The following MCTP1 variants were observed in gnomAD, a reference collection of about 807,000 sequenced individuals.
MCTP1 encodes the protein multiple C2 and transmembrane domain-containing protein 1.
A neutral mutation model predicts 120.6 loss-of-function variants in MCTP1; 69 were observed. The ratio of observed to expected loss-of-function variants is 0.57; its 90% confidence interval spans 0.47 to 0.70. The LOEUF (loss-of-function observed/expected upper bound fraction) is 0.70. MCTP1 is among the 30% of genes least tolerant of loss of function. MCTP1 has a pLI of 0.00. For synonymous variants in MCTP1, 529 were observed against 493.1 expected, an observed-to-expected ratio of 1.07 and a Z score of -0.96; for missense variants, 1,203 against 1,248.8, an observed-to-expected ratio of 0.96 and a Z score of 0.55.
chr5:94,735,071 T>C (rs568305519), intron 19 of MCTP1, among the ~76,000 whole-genome samples: 1 of 152,302 alleles, frequency 6.6e-6, no homozygotes, highest in African/African-American at 2.4e-5. Context: ...CTACAAGAAG[T>C]GGAATTGTTT....
At chr5:94,893,891 C>T (rs1171721427) in intron 11 of MCTP1, among the ~76,000 whole-genome samples, 1 of 152,158 alleles carries the variant, frequency 6.6e-6, no homozygotes, top group Non-Finnish European at 1.5e-5. Context: ...TTTTTCCCAG[C>T]TTCATGGGTA....
intron 6 of MCTP1, among the ~76,000 whole-genome samples, chr5:94,924,368 C>A (rs901429031): frequency 3.9e-5 from 6 of 152,012 alleles, no homozygotes; most frequent in African/African-American, 1.4e-4. Context: ...TTCCTTTTAA[C>A]AAAACAATTA....
rs1230691269 is a variant in MCTP1, at chr5:94,706,605, GTATT to G, written c.*887_*890del. On this transcript the variant is annotated 3_prime_UTR_variant, in exon 23 of 23. Coordinates refer to ENST00000515393, the MANE Select transcript of MCTP1 (RefSeq NM_024717.7). ...TTTTTTTTTCTCTGAGAGCACTTGA[GTATT>G]TATTAAAATATTTTTAGATGCACAG... 2.7e-5 allele frequency: 4 copies of G among 147,420 alleles called. No individual in the cohort carries two copies. Among genetic ancestry groups the G allele is most frequent in the African/African-American group, 5.0e-5 (2 of 39,926 alleles). 9.1% of individuals were successfully genotyped at this position (147,420 alleles called of 1,614,324 possible). A position where few individuals can be genotyped will look rare whatever the true frequency, so the allele number is the denominator to read the frequency against.
intron 1 of MCTP1, among the ~76,000 whole-genome samples, chr5:95,121,860 A>C (rs554555234): frequency 6.6e-6 from 1 of 151,902 alleles, no homozygotes; most frequent in South Asian, 2.1e-4. Flanking sequence ...ATTTTTGACT[A>C]AAGTGCCAAG....
At chr5:95,219,169 C>T (rs1358907273) in intron 1 of MCTP1, among the ~76,000 whole-genome samples, 2 of 152,066 alleles carry the variant, frequency 1.3e-5, no homozygotes, top group Non-Finnish European at 2.9e-5. Flanking sequence ...ATCATGCGGT[C>T]AGGAGATCGA....
intron 1 of MCTP1, among the ~76,000 whole-genome samples, chr5:95,058,849 A>G (rs186396166): frequency 5.9e-5 from 9 of 152,196 alleles, no homozygotes; most frequent in Non-Finnish European, 1.0e-4. Context: ...AGGGTTTGAC[A>G]TTCTCTTTTT....
At position 94,924,772 on chromosome 5, in the gene MCTP1, T is replaced by G. The variant is rs113754811; in HGVS notation, c.1213-751A>C. On this transcript the variant is annotated intron_variant, in intron 6 of 22. Transcript: ENST00000515393. Reference sequence around the variant, plus strand: ...TTCTGTCTCTAGGTGTCAGTTATGATAAAGTTTCAGGAAACTGATGACAGT... The same window carrying G: ...TTCTGTCTCTAGGTGTCAGTTATGAGAAAGTTTCAGGAAACTGATGACAGT... Among the ~76,000 whole-genome samples the G allele has an allele frequency of 1.5e-4, 23 of 152,330 alleles. 3 individuals are homozygous for G. The highest frequency in any genetic ancestry group is 5.0e-4 in the African/African-American group (21 of 41,590).
At chr5:95,261,170 C>T (rs556231806) in intron 1 of MCTP1, among the ~76,000 whole-genome samples, 4 of 152,296 alleles carry the variant, frequency 2.6e-5, no homozygotes, top group South Asian at 2.1e-4. Flanking sequence ...TGAGTAACTG[C>T]TATCCATCAG....
Position 95,284,135 on chromosome 5 carries a change from A to T in MCTP1, c.441T>A (p.Pro147=), listed in dbSNP as rs746418131. The T allele has an allele frequency of 8.4e-6, 13 of 1,554,170 alleles. No individual in the cohort carries two copies. The South Asian group carries it at 1.5e-4, about 18-fold the overall frequency. Residue 147 remains proline, a synonymous_variant, in exon 1 of 23, where the codon CCT becomes CCA. Transcript: ENST00000515393. This position sits in a 1 kb window ranked among gnomAD's most constrained non-coding sequence, Gnocchi z 5.2. ...CTGAGTCGGGGGAGCGTCCGCCAGG[A>T]GGCGTCCCTCCCGCTGCTCCCGAGG... ...AAASGAAGGT[P]PGGRSPDSAP... is the part of the protein sequence containing the mutation.
At chr5:94,907,189 G>A (rs772960335) in intron 10 of MCTP1, among the ~76,000 whole-genome samples, 5 of 152,206 alleles carry the variant, frequency 3.3e-5, no homozygotes, top group Non-Finnish European at 7.4e-5. Flanking sequence ...CAAGCGTCAA[G>A]TTAGAGACCT....
At chr5:94,897,276 G>T (rs182180289) in intron 10 of MCTP1, among the ~76,000 whole-genome samples, 108 of 143,016 alleles carry the variant, frequency 7.6e-4, no homozygotes, top group Middle Eastern at 3.7e-3. Flanking sequence ...GTTTTGTCAT[G>T]TTGCCCAGGC....
chr5:95,138,233 AC>A lies in MCTP1; in HGVS notation c.721-120750del, dbSNP rs58216046. On this transcript the variant is annotated intron_variant, in intron 1 of 22. Transcript: ENST00000515393. Reference sequence around the variant, plus strand: ...TTCATAGACTTTCCTGTGAGATGCAACCCCCCCCCGACATTAAAATAATATG... The same window carrying A: ...TTCATAGACTTTCCTGTGAGATGCAACCCCCCCCGACATTAAAATAATATG... Among the ~76,000 whole-genome samples, 66 of 142,486 alleles carry A rather than the reference AC, an allele frequency of 4.6e-4. 1 individual carries two copies. The highest frequency in any genetic ancestry group is 1.4e-3 in the South Asian group (6 of 4,254). 93.5% of individuals were successfully genotyped at this position (142,486 alleles called of 152,430 possible). A position where few individuals can be genotyped will look rare whatever the true frequency, so the allele number is the denominator to read the frequency against.
chr5:95,244,870 G>T (rs1043416086), intron 1 of MCTP1, among the ~76,000 whole-genome samples: 1 of 152,112 alleles, frequency 6.6e-6, no homozygotes, highest in South Asian at 2.1e-4. Flanking sequence ...CTCCAAGAAC[G>T]GTCAGACTGC....
chr5:94,730,869 C>CT (rs1364544709), intron 19 of MCTP1, among the ~76,000 whole-genome samples: 4 of 152,016 alleles, frequency 2.6e-5, no homozygotes, highest in African/African-American at 9.7e-5. Context: ...CATAAATACT[C>CT]TGAGTTCTGG....
intron 2 of MCTP1, among the ~76,000 whole-genome samples, chr5:94,973,849 CT>C (rs1191187944): frequency 2.6e-5 from 4 of 152,036 alleles, no homozygotes; most frequent in African/African-American, 4.8e-5. Context: ...ACAGTTCGAC[CT>C]CCAAGTTAGA....
At chr5:94,744,389 C>A (rs901454095) in intron 19 of MCTP1, among the ~76,000 whole-genome samples, 1 of 152,238 alleles carries the variant, frequency 6.6e-6, no homozygotes, top group African/African-American at 2.4e-5. Context: ...GAGCAAGAAG[C>A]ATGGATAACG....
rs951895593 is a variant in MCTP1, at chr5:95,084,098, C to G, written c.721-66614G>C. Among the ~76,000 whole-genome samples the G allele has an allele frequency of 2.6e-5, 4 of 152,080 alleles. 1 individual carries two copies. In the South Asian group the frequency reaches 6.2e-4, roughly 24 times the overall value. ...ACCAACTGTGGACACGTGGTTAGGT[C>G]TGGGAAAGGGATCTGAAGGAAGTGA... On this transcript the variant is annotated intron_variant, in intron 1 of 22. Coordinates refer to ENST00000515393, the MANE Select transcript of MCTP1 (RefSeq NM_024717.7).
At chr5:94,814,563 C>T (rs1020778373) in intron 17 of MCTP1, among the ~76,000 whole-genome samples, 4 of 152,110 alleles carry the variant, frequency 2.6e-5, no homozygotes, top group Admixed American at 6.6e-5. Flanking sequence ...AATGCTACCA[C>T]CATAAGGTGA....
intron 19 of MCTP1, among the ~76,000 whole-genome samples, chr5:94,732,457 G>GT (rs1356800734): frequency 2.6e-5 from 4 of 152,060 alleles, no homozygotes; most frequent in African/African-American, 9.7e-5. Context: ...AAAGGTTTGT[G>GT]TATTTCTTCT....
Sources: allele counts gnomAD v4.1 joint callset (sites outside exome capture counted in the v4.1 genomes callset), GRCh38; gene constraint gnomAD v4.1.1; non-coding constraint Gnocchi (gnomAD v3.1); transcripts MANE v1.5; gene names NCBI Gene and HGNC (gene_info 2026-07-23, HGNC 2026-07-21).